Variants in CNTN6 observed in about 807,000 individuals in gnomAD.
CNTN6 encodes the protein contactin 6.
CNTN6 carries 137 observed loss-of-function variants against 122.8 expected under a neutral mutation model. That is an observed-to-expected ratio of 1.12 (90% confidence interval 0.97 to 1.29). The LOEUF (loss-of-function observed/expected upper bound fraction) is 1.29. Ranked by LOEUF, CNTN6 falls within the 50% of genes most tolerant of loss-of-function variation. The probability of loss-of-function intolerance (pLI) is 0.00; values close to 1 mark genes in which losing one functional copy is unlikely to be tolerated. For missense variants in CNTN6, 1,634 were observed against 1,223.4 expected, an observed-to-expected ratio of 1.34 and a Z score of -5.01; for synonymous variants, 570 against 426.0, an observed-to-expected ratio of 1.34 and a Z score of -4.16.
chr3:1,134,798 A>G (rs571566979), intron 1 of CNTN6, among the ~76,000 whole-genome samples: 3 of 152,182 alleles, frequency 2.0e-5, no homozygotes, highest in Admixed American at 6.5e-5. Flanking sequence ...AAAGCAGGGT[A>G]CTATTTATAT....
At chr3:1,210,985 T>C (rs957139190) in intron 2 of CNTN6, among the ~76,000 whole-genome samples, 1 of 152,194 alleles carries the variant, frequency 6.6e-6, no homozygotes, top group East Asian at 1.9e-4. Context: ...AGTGTAAATG[T>C]GACTCACTGC....
At chr3:1,384,048 A>G (rs866029272) in intron 19 of CNTN6, among the ~76,000 whole-genome samples, 1 of 152,198 alleles carries the variant, frequency 6.6e-6, no homozygotes, top group Non-Finnish European at 1.5e-5. Context: ...AAATCTTTCT[A>G]GGTAATTCAA....
chr3:1,363,953 C>T (rs1371473184), intron 12 of CNTN6, among the ~76,000 whole-genome samples: 1 of 151,890 alleles, frequency 6.6e-6, no homozygotes, highest in Admixed American at 6.6e-5. Flanking sequence ...GCCATCCTAA[C>T]AGGTGTGATG....
chr3:1,267,501 C>A (rs367624854), intron 4 of CNTN6, among the ~76,000 whole-genome samples: 10 of 152,250 alleles, frequency 6.6e-5, no homozygotes, highest in African/African-American at 2.4e-4. Flanking sequence ...TCCCCGGCTC[C>A]TGTACCAGGA....
At chr3:1,376,627 ATAAT>A (rs144890500) in intron 16 of CNTN6, among the ~76,000 whole-genome samples, 12 of 152,190 alleles carry the variant, frequency 7.9e-5, no homozygotes, top group East Asian at 3.9e-4. Flanking sequence ...TTGAAAAAAA[ATAAT>A]TAATATACTG....
At chr3:1,299,350 G>T (rs1039723994) in intron 7 of CNTN6, among the ~76,000 whole-genome samples, 2 of 151,846 alleles carry the variant, frequency 1.3e-5, no homozygotes, top group African/African-American at 4.8e-5. Flanking sequence ...AATTTTAAAA[G>T]AAAACCAATG....
chr3:1,382,683 G>C (rs1388009222), intron 17 of CNTN6, among the ~76,000 whole-genome samples: 1 of 152,008 alleles, frequency 6.6e-6, no homozygotes, highest in African/African-American at 2.4e-5. Context: ...ATTTATGAAT[G>C]ATCAAAGAAA....
rs560696805 is a variant in CNTN6, at chr3:1,377,266, G to T, written c.2166+191G>T. ...TTTTCTCATGGTGAGACAGTATGACGAACTCAGCACAATTTTCTCCCAAAT... is the reference window on the plus strand; with the variant it reads ...TTTTCTCATGGTGAGACAGTATGACTAACTCAGCACAATTTTCTCCCAAAT... On this transcript the variant is annotated intron_variant, in intron 17 of 22. Coordinates refer to ENST00000446702, the MANE Select transcript of CNTN6 (RefSeq NM_001289080.2). Among the ~76,000 whole-genome samples, 306 of 152,226 alleles carry T rather than the reference G, an allele frequency of 2.0e-3. 1 individual carries two copies. The highest frequency in any genetic ancestry group is 3.3e-3 in the Non-Finnish European group (227 of 68,018).
intron 1 of CNTN6, among the ~76,000 whole-genome samples, chr3:1,112,813 G>C (rs1188534677): frequency 6.6e-6 from 1 of 152,042 alleles, no homozygotes; most frequent in Non-Finnish European, 1.5e-5. Flanking sequence ...TTTCCAAGGG[G>C]CCAGACTCCC....
At chr3:1,118,157 A>C (rs914128427) in intron 1 of CNTN6, among the ~76,000 whole-genome samples, 1 of 152,170 alleles carries the variant, frequency 6.6e-6, no homozygotes. Flanking sequence ...ATGCCAGCAT[A>C]CGAGGAAAGT....
intron 2 of CNTN6, among the ~76,000 whole-genome samples, chr3:1,177,070 T>C (rs2125322171): frequency 6.6e-6 from 1 of 152,258 alleles, no homozygotes; most frequent in South Asian, 2.1e-4. Flanking sequence ...CTTAATCTAA[T>C]CCTGAGGAAA....
chr3:1,302,057 G>A (rs186533333), intron 7 of CNTN6, among the ~76,000 whole-genome samples: 6 of 152,218 alleles, frequency 3.9e-5, no homozygotes, highest in Admixed American at 3.9e-4. Context: ...CTCACTAGAA[G>A]ATTAATTATG....
chr3:1,217,611 C>A (rs2094146082), intron 2 of CNTN6, among the ~76,000 whole-genome samples: 1 of 152,140 alleles, frequency 6.6e-6, no homozygotes, highest in African/African-American at 2.4e-5. Flanking sequence ...AATATTTTAT[C>A]AAAATGCCAT....
intron 1 of CNTN6, among the ~76,000 whole-genome samples, chr3:1,128,702 C>G (rs897215129): frequency 4.6e-5 from 7 of 151,866 alleles, no homozygotes; most frequent in African/African-American, 1.7e-4. Flanking sequence ...TTTTGAGTGC[C>G]AACATCCTCC....
At chr3:1,162,993 CT>C (rs1259878508) in intron 2 of CNTN6, among the ~76,000 whole-genome samples, 3 of 152,172 alleles carry the variant, frequency 2.0e-5, no homozygotes, top group African/African-American at 7.2e-5. Context: ...CTGGCAGCCT[CT>C]TGTTTTCTGT....
At chr3:1,268,233 T>A (rs1193533729) in intron 4 of CNTN6, among the ~76,000 whole-genome samples, 1 of 152,314 alleles carries the variant, frequency 6.6e-6, no homozygotes, top group South Asian at 2.1e-4. Flanking sequence ...CCAGCTGGGC[T>A]GTGTAGCTTC....
At chr3:1,275,392 T>C (rs935743954) in intron 4 of CNTN6, among the ~76,000 whole-genome samples, 14 of 152,206 alleles carry the variant, frequency 9.2e-5, no homozygotes, top group South Asian at 4.1e-4. Context: ...CAAGATCACA[T>C]ATGACCAACA....
At chr3:1,115,053 G>A (rs182758577) in intron 1 of CNTN6, among the ~76,000 whole-genome samples, 70 of 152,208 alleles carry the variant, frequency 4.6e-4, no homozygotes, top group East Asian at 7.8e-4. Context: ...TTGAGCTGCA[G>A]GAGCAGCACA....
At chr3:1,336,081 A>T (rs865962833) in intron 11 of CNTN6, among the ~76,000 whole-genome samples, 9 of 151,850 alleles carry the variant, frequency 5.9e-5, no homozygotes, top group Non-Finnish European at 1.2e-4. Context: ...CAACAAAAAA[A>T]TCCCTGAATC....
Sources: gnomAD v4.1 joint callset for allele counts (sites outside exome capture counted in the v4.1 genomes callset) on GRCh38, gnomAD v4.1.1 for gene constraint, MANE v1.5 for transcripts, NCBI Gene and HGNC (gene_info 2026-07-23, HGNC 2026-07-21) for gene names.